Variants in NOL10 observed in about 807,000 individuals in gnomAD.
NOL10 encodes the protein H_NH0074G24.1.
NOL10 carries 58 observed loss-of-function variants against 103.5 expected under a neutral mutation model. The observed-to-expected ratio is 0.56, with a 90% CI of 0.45 to 0.70. The LOEUF (loss-of-function observed/expected upper bound fraction) is 0.70. Among genes scored for constraint, NOL10 ranks in the 30% least tolerant of loss-of-function variants. NOL10 has a pLI of 0.00. For missense variants in NOL10, 763 were observed against 807.3 expected (o/e 0.95, Z 0.67); for synonymous variants, 287 against 282.5 (o/e 1.02, Z -0.16).
chr2:10,595,144 CAGAGAGAGAGAGAGAGAG>C (rs77723934), intron 17 of NOL10, among the ~76,000 whole-genome samples: 37 of 124,218 alleles, frequency 3.0e-4, no homozygotes, highest in Admixed American at 9.1e-4. Flanking sequence ...GGGGAGGGGG[CAGAGAGAGAGAGAGAGAG>C]AGAGAGAGAG....
chr2:10,599,590 A>G (rs1251886331), intron 17 of NOL10, among the ~76,000 whole-genome samples: 1 of 152,248 alleles, frequency 6.6e-6, no homozygotes, highest in African/African-American at 2.4e-5. Context: ...TTGGCATACT[A>G]TTCATGTCAT....
chr2:10,584,113 T>C lies in NOL10; in HGVS notation c.1844+4930A>G, dbSNP rs1674902074. On this transcript the variant is annotated intron_variant, in intron 19 of 20. Coordinates refer to ENST00000381685, the MANE Select transcript of NOL10 (RefSeq NM_024894.4). Reference sequence around the variant, plus strand: ...TGCACCGTGCCTCTGCCAGGAATGCTATCTTTCCCACCAGCCCTGAATGCT... The same window carrying C: ...TGCACCGTGCCTCTGCCAGGAATGCCATCTTTCCCACCAGCCCTGAATGCT... Among the ~76,000 whole-genome samples, 4 of 152,182 alleles carry C rather than the reference T, an allele frequency of 2.6e-5. No individual in the cohort carries two copies. The South Asian group carries it at 6.2e-4, about 24-fold the overall frequency.
At chr2:10,650,872 T>C (rs1679412247) in intron 12 of NOL10, among the ~76,000 whole-genome samples, 1 of 152,214 alleles carries the variant, frequency 6.6e-6, no homozygotes, top group South Asian at 2.1e-4. Flanking sequence ...AGCAGTCACC[T>C]GGGTAACAAC....
chr2:10,620,102 G>A (rs1295402491), intron 13 of NOL10, among the ~76,000 whole-genome samples: 2 of 152,136 alleles, frequency 1.3e-5, no homozygotes, highest in East Asian at 1.9e-4. Context: ...CCAAGATCTT[G>A]TTTTGTCATT....
At chr2:10,652,013 G>A (rs1368893680) in intron 12 of NOL10, among the ~76,000 whole-genome samples, 1 of 152,042 alleles carries the variant, frequency 6.6e-6, no homozygotes, top group Admixed American at 6.6e-5. Context: ...AGGCTGAGGC[G>A]GGCAGATCAC....
Position 10,673,516 on chromosome 2 carries a change from A to G in NOL10, c.327+4T>C, listed in dbSNP as rs1681087179. 1 of 1,593,138 alleles carries G rather than the reference A, an allele frequency of 6.3e-7. No individual in the cohort carries two copies. Among genetic ancestry groups the G allele is most frequent in the East Asian group, 2.3e-5 (1 of 44,208 alleles). ...TCAGTACAAACCAATGCTATAAAAC[A>G]TACCTTTGAGTAGTCATCAGACAAA... On this transcript the variant is annotated splice_donor_region_variant and intron_variant, in intron 5 of 20. Coordinates refer to ENST00000381685, the MANE Select transcript of NOL10 (RefSeq NM_024894.4).
chr2:10,630,356 G>A (rs935108423), intron 13 of NOL10, among the ~76,000 whole-genome samples: 2 of 152,148 alleles, frequency 1.3e-5, no homozygotes, highest in Non-Finnish European at 1.5e-5. Flanking sequence ...TTTCTACTAT[G>A]CAATGTGGAA....
intron 10 of NOL10, among the ~76,000 whole-genome samples, chr2:10,658,870 G>A (rs1215110599): frequency 1.3e-5 from 2 of 152,166 alleles, no homozygotes; most frequent in Admixed American, 1.3e-4. Context: ...CCTGAGCCCA[G>A]GAGTTCAAGA....
chr2:10,638,435 A>C (rs1678452920), intron 13 of NOL10, among the ~76,000 whole-genome samples: 2 of 151,770 alleles, frequency 1.3e-5, no homozygotes, highest in Admixed American at 6.6e-5. Context: ...GTGACATTAA[A>C]AAAAGAAAAA....
At chr2:10,582,151 C>T (rs1214648024) in intron 19 of NOL10, among the ~76,000 whole-genome samples, 2 of 152,204 alleles carry the variant, frequency 1.3e-5, no homozygotes, top group Admixed American at 6.5e-5. Flanking sequence ...AACAAAGCTG[C>T]ATTACCTCAG....
At chr2:10,583,720 C>G (rs1674880501) in intron 19 of NOL10, among the ~76,000 whole-genome samples, 1 of 152,190 alleles carries the variant, frequency 6.6e-6, no homozygotes, top group South Asian at 2.1e-4. Flanking sequence ...TCTGGTCTGT[C>G]TGCTCCTCTC....
At position 10,592,892 on chromosome 2, in the gene NOL10, G is replaced by C. The variant is rs117676367; in HGVS notation, c.1423-3141C>G. On this transcript the variant is annotated intron_variant, in intron 17 of 20. Coordinates refer to ENST00000381685, the MANE Select transcript of NOL10 (RefSeq NM_024894.4). The stretch of plus-strand genomic sequence containing the variant: ...TGTCTTAAGGAAAAAAGTAGGATAA[G>C]GTATAGCTATTAATGTTCTATAGGA... 5.0e-4 allele frequency among the ~76,000 whole-genome samples: 76 copies of C among 152,224 alleles called. 2 individuals carry two copies. In the East Asian group the frequency reaches 0.013, roughly 26 times the overall value.
chr2:10,593,141 T>C (rs1675482443), intron 17 of NOL10, among the ~76,000 whole-genome samples: 1 of 146,434 alleles, frequency 6.8e-6, no homozygotes, highest in African/African-American at 2.5e-5. Flanking sequence ...TTTTTTTTTT[T>C]TCTTTTTTTT....
intron 14 of NOL10, among the ~76,000 whole-genome samples, chr2:10,606,899 A>T (rs529003054): frequency 2.0e-5 from 3 of 152,146 alleles, no homozygotes. Context: ...TTTCGTGACA[A>T]TTTTTTTCCT....
Position 10,611,137 on chromosome 2 carries a change from T to C in NOL10, c.1027-3826A>G, listed in dbSNP as rs114416333. On this transcript the variant is annotated intron_variant, in intron 13 of 20. Coordinates refer to ENST00000381685, the MANE Select transcript of NOL10 (RefSeq NM_024894.4). ...GGTCAGTATTAATAAAAGTAGAAAA[T>C]TGAAAACTGATTCATCAGATTGCTA... is the stretch of plus-strand genomic sequence containing the variant. Among the ~76,000 whole-genome samples, 1,142 of 152,288 alleles carry C rather than the reference T, an allele frequency of 7.5e-3. 16 individuals carry two copies. Among genetic ancestry groups the C allele is most frequent in the African/African-American group, 0.026 (1,072 of 41,564 alleles).
At chr2:10,657,991 G>A in intron 10 of NOL10, 100 bp from the exon 11 acceptor site, 1 of 857,802 alleles carries the variant, frequency 1.2e-6, no homozygotes. Context: ...TCATCGCTTT[G>A]TTATGAACAC....
chr2:10,580,900 C>G lies in NOL10; in HGVS notation c.1845-3162G>C, dbSNP rs756645247. On this transcript the variant is annotated intron_variant, in intron 19 of 20. Coordinates refer to ENST00000381685, the MANE Select transcript of NOL10 (RefSeq NM_024894.4). ...TTAATTAACTCTAATTAAAGGAGCCCTCACTCCATAGTCTACACCGGAGGG... is the reference window on the plus strand; with the variant it reads ...TTAATTAACTCTAATTAAAGGAGCCGTCACTCCATAGTCTACACCGGAGGG... Among the ~76,000 whole-genome samples, 2 of 152,042 alleles carry G rather than the reference C, an allele frequency of 1.3e-5. 1 individual carries two copies. The highest frequency in any genetic ancestry group is 4.8e-5 in the African/African-American group (2 of 41,388).
chr2:10,592,891 A>C (rs1243486328), intron 17 of NOL10, among the ~76,000 whole-genome samples: 1 of 152,192 alleles, frequency 6.6e-6, no homozygotes, highest in Admixed American at 6.5e-5. Context: ...AAGTAGGATA[A>C]GGTATAGCTA....
In NOL10 at chr2:10,671,610, A is replaced by C. The variant is rs755183286; in HGVS notation, c.408T>G (p.Phe136Leu). ...GATAGTGGTAAGAGAAATCTCTCCC[A>C]AACTTTGGTATTCTGGTTTTGTAGT... is the stretch of plus-strand genomic sequence containing the variant. ...GFYYKTRIPK[F>L]GRDFSYHYPS... The change falls in exon 6 of 21, where the codon TTT (phenylalanine) becomes TTG (leucine). Residue 136 changes from phenylalanine (F) to leucine (L), a missense_variant. By Grantham distance (22) the Phe-to-Leu change is conservative. Coordinates refer to ENST00000381685, the MANE Select transcript of NOL10 (RefSeq NM_024894.4). The C allele has an allele frequency of 6.2e-6, 10 of 1,600,802 alleles. No homozygotes were observed. In the African/African-American group the frequency reaches 1.1e-4, roughly 17 times the overall value.
Sources: allele counts gnomAD v4.1 joint callset (sites outside exome capture counted in the v4.1 genomes callset), GRCh38; gene constraint gnomAD v4.1.1; transcripts MANE v1.5; gene names NCBI Gene and HGNC (gene_info 2026-07-23, HGNC 2026-07-21).